The following TG variants were observed in gnomAD, a reference collection of about 807,000 sequenced individuals.
TG encodes the protein thyroid hormones.
Under a neutral mutation model 324.7 loss-of-function variants are expected in TG, and 270 were observed. The ratio of observed to expected loss-of-function variants is 0.83; its 90% confidence interval spans 0.75 to 0.92. The LOEUF is 0.92. Ranked by LOEUF, TG falls within the 40% of genes least tolerant of loss-of-function variation. The probability of loss-of-function intolerance (pLI) is 0.00; values close to 1 mark genes in which losing one functional copy is unlikely to be tolerated. For missense variants in TG, 3,591 were observed against 3,456.4 expected (o/e 1.04, Z -0.98); for synonymous variants, 1,401 against 1,327.0 (o/e 1.06, Z -1.21).
intron 35 of TG, among the ~76,000 whole-genome samples, chr8:132,997,415 G>T (rs1056311262): frequency 6.6e-6 from 1 of 152,168 alleles, no homozygotes; most frequent in African/African-American, 2.4e-5. Context: ...GTGGTCATTA[G>T]CATGTCAGTG....
chr8:133,065,340 A>T (rs1376732699), intron 41 of TG, among the ~76,000 whole-genome samples: 2 of 152,248 alleles, frequency 1.3e-5, no homozygotes, highest in Non-Finnish European at 2.9e-5. Flanking sequence ...TAAAGCTGGG[A>T]TTCCAGCCAG....
In TG at chr8:133,125,201, T is replaced by C. The variant is rs536000510; in HGVS notation, c.7863-6611T>C. On this transcript the variant is annotated intron_variant, in intron 45 of 47. Transcript: ENST00000220616. ...AGAGCTGCCTTCTTGGGACAAAGAC[T>C]ATAGTTGCAGGTGGGGCTGATGGGT... Among the ~76,000 whole-genome samples, 15 of 152,296 alleles carry C rather than the reference T, an allele frequency of 9.8e-5. 1 individual carries two copies. Among genetic ancestry groups the C allele is most frequent in the Admixed American group, 5.9e-4 (9 of 15,290 alleles).
At chr8:133,039,126 A>G (rs1017928542) in intron 41 of TG, among the ~76,000 whole-genome samples, 1 of 152,114 alleles carries the variant, frequency 6.6e-6, no homozygotes, top group Non-Finnish European at 1.5e-5. Context: ...TGATCTGCCC[A>G]CCTCAGCCTC....
chr8:133,001,772 G>A, intron 35 of TG: 1 of 985,476 alleles, frequency 1.0e-6, no homozygotes, highest in South Asian at 4.7e-5. Context: ...GCTTATCACA[G>A]GGATCATGAA....
chr8:132,942,945 A>C (rs2741218), intron 26 of TG, among the ~76,000 whole-genome samples: 61,551 of 152,018 alleles, frequency 0.4, 15,169 homozygotes, highest in Admixed American at 0.53. Context: ...GAAGGCTATT[A>C]ACTGAGACAT....
chr8:132,928,967 C>A (rs1822285833), intron 22 of TG, 109 bp from the exon 23 acceptor site: 1 of 873,040 alleles, frequency 1.1e-6, no homozygotes, highest in Non-Finnish European at 1.9e-6. Flanking sequence ...TTTGTGTTAC[C>A]AAGAGCTACG....
intron 41 of TG, among the ~76,000 whole-genome samples, chr8:133,030,970 A>ATTAT (rs1836584164): frequency 6.6e-6 from 1 of 152,084 alleles, no homozygotes; most frequent in African/African-American, 2.4e-5. Flanking sequence ...AGTGGTTTTG[A>ATTAT]TTATTTATTT....
chr8:132,881,412 G>A (rs956989430), intron 5 of TG, among the ~76,000 whole-genome samples: 3 of 152,066 alleles, frequency 2.0e-5, no homozygotes, highest in Non-Finnish European at 4.4e-5. Flanking sequence ...TTGAAAAGTC[G>A]TAAAGGGGCC....
chr8:132,892,217 C>T (rs1816327738), intron 10 of TG, among the ~76,000 whole-genome samples: 1 of 152,188 alleles, frequency 6.6e-6, no homozygotes, highest in Non-Finnish European at 1.5e-5. Flanking sequence ...TTTTGATATC[C>T]ATCCATCCAT....
At chr8:133,070,510 A>C (rs1013226664) in intron 41 of TG, among the ~76,000 whole-genome samples, 2 of 152,224 alleles carry the variant, frequency 1.3e-5, no homozygotes, top group African/African-American at 4.8e-5. Flanking sequence ...ACTGAGTCTC[A>C]GAGAGGCTAA....
rs76262793 is a variant in TG, at chr8:133,047,988, G to A, written c.7239+17965G>A. 1,243 of 1,091,996 alleles carry A rather than the reference G, an allele frequency of 1.1e-3. 13 individuals are homozygous for A. In the African/African-American group the frequency reaches 0.017, roughly 15 times the overall value. 67.6% of individuals were successfully genotyped at this position (1,091,996 alleles called of 1,614,324 possible). A position where few individuals can be genotyped will look rare whatever the true frequency, so the allele number is the denominator to read the frequency against. On this transcript the variant is annotated intron_variant, in intron 41 of 47. Coordinates refer to ENST00000220616, the MANE Select transcript of TG (RefSeq NM_003235.5). ...CCGGAACAAGCCCTCCCCCAGGAAA[G>A]GCAGGAATGCGCCACCCACCGTACT...
intron 41 of TG, among the ~76,000 whole-genome samples, chr8:133,064,665 G>A (rs541160048): frequency 7.9e-5 from 12 of 152,348 alleles, no homozygotes; most frequent in Admixed American, 2.6e-4. Flanking sequence ...TGGCGTTGCC[G>A]TCGACAACGT....
intron 24 of TG, among the ~76,000 whole-genome samples, chr8:132,935,363 T>G (rs1563974838): frequency 6.6e-6 from 1 of 151,756 alleles, no homozygotes; most frequent in African/African-American, 2.4e-5. Context: ...AGGCTGGTCT[T>G]GAACTCTAGA....
Position 132,888,326 on chromosome 8 carries a change from C to T in TG, c.2519C>T (p.Pro840Leu), listed in dbSNP as rs776175241. ...GTCTTCCCGGTGCTGTCACAATACCCTTCTCTGCAAGATGTCCCACTAGCA... is the reference window on the plus strand; with the variant it reads ...GTCTTCCCGGTGCTGTCACAATACCTTTCTCTGCAAGATGTCCCACTAGCA... ...QDVFPVLSQY[P>L]SLQDVPLAAL... The change falls in exon 10 of 48, where the codon CCT becomes CTT. Residue 840 changes from proline (P) to leucine (L), a missense_variant. Transcript: ENST00000220616. The T allele has an allele frequency of 6.2e-7, 1 of 1,614,176 alleles. No individual in the cohort carries two copies. Among genetic ancestry groups the T allele is most frequent in the East Asian group, 2.2e-5 (1 of 44,888 alleles).
chr8:133,055,497 G>A (rs1345767402), intron 41 of TG, among the ~76,000 whole-genome samples: 1 of 151,990 alleles, frequency 6.6e-6, no homozygotes, highest in African/African-American at 2.4e-5. Flanking sequence ...CCATGAACCA[G>A]GCTTGTGAGC....
At chr8:132,899,581 G>A (rs1450099775) in intron 14 of TG, among the ~76,000 whole-genome samples, 3 of 152,174 alleles carry the variant, frequency 2.0e-5, no homozygotes, top group Non-Finnish European at 4.4e-5. Context: ...CCTTATTATT[G>A]TTTGGTACTG....
intron 41 of TG, among the ~76,000 whole-genome samples, chr8:133,061,274 G>A (rs1842334183): frequency 6.6e-6 from 1 of 152,204 alleles, no homozygotes; most frequent in Admixed American, 6.5e-5. Flanking sequence ...CTCCCAATGT[G>A]GTGGGATTAC....
In TG at chr8:133,123,082, G is replaced by A. The variant is rs114559640; in HGVS notation, c.7862+6366G>A. On this transcript the variant is annotated intron_variant, in intron 45 of 47. Transcript: ENST00000220616. ...CCAGCAGCCCCAGTCCCCCTAAGCTGTGCCAACCACAAATGCCTCCAGACA... is the reference window on the plus strand; with the variant it reads ...CCAGCAGCCCCAGTCCCCCTAAGCTATGCCAACCACAAATGCCTCCAGACA... 9.5e-3 allele frequency among the ~76,000 whole-genome samples: 1,452 copies of A among 152,138 alleles called. 20 individuals are homozygous for A. The highest frequency in any genetic ancestry group is 0.033 in the African/African-American group (1,386 of 41,488).
At chr8:132,925,227 T>C (rs1320517223) in intron 22 of TG, among the ~76,000 whole-genome samples, 1 of 152,216 alleles carries the variant, frequency 6.6e-6, no homozygotes, top group African/African-American at 2.4e-5. Flanking sequence ...CTTGGTTCCA[T>C]AGTTAGGATA....
Sources: gnomAD v4.1 joint callset for allele counts (sites outside exome capture counted in the v4.1 genomes callset) on GRCh38, gnomAD v4.1.1 for gene constraint, MANE v1.5 for transcripts, NCBI Gene and HGNC (gene_info 2026-07-23, HGNC 2026-07-21) for gene names.